Variants in MYZAP observed in about 807,000 individuals in gnomAD.
MYZAP encodes GRINL1A complex locus upstream.
In MYZAP, 66 loss-of-function variants were observed where a neutral mutation model predicts 69.4. The ratio of observed to expected loss-of-function variants is 0.95; its 90% confidence interval spans 0.78 to 1.17. MYZAP has a LOEUF of 1.17. MYZAP is among the 50% of genes most tolerant of loss of function. MYZAP has a pLI of 0.00. For synonymous variants in MYZAP, 256 were observed against 205.9 expected (o/e 1.24, Z -2.09); for missense variants, 611 against 556.2 (o/e 1.10, Z -0.99).
chr15:57,683,944 G>C (rs2140685547), intron 12 of MYZAP, among the ~76,000 whole-genome samples: 1 of 152,222 alleles, frequency 6.6e-6, no homozygotes, highest in East Asian at 1.9e-4. Flanking sequence ...ACAGGCATGT[G>C]CCATCATGCC....
At chr15:57,668,894 A>ATATATATATATATATATATT (rs1252525814) in intron 11 of MYZAP, among the ~76,000 whole-genome samples, 1 of 62,608 alleles carries the variant, frequency 1.6e-5, no homozygotes, top group Non-Finnish European at 4.3e-5. Flanking sequence ...ATATATATAT[A>ATATATATATATATATATATT]TTTTTTTTTT....
intron 11 of MYZAP, among the ~76,000 whole-genome samples, chr15:57,673,265 G>A (rs757176579): frequency 2.7e-4 from 41 of 152,150 alleles, no homozygotes; most frequent in Non-Finnish European, 5.4e-4. Flanking sequence ...ATTAGACCCA[G>A]CATGCTGTGA....
intron 2 of MYZAP, among the ~76,000 whole-genome samples, chr15:57,611,367 T>C (rs2035092072): frequency 6.6e-6 from 1 of 152,204 alleles, no homozygotes; most frequent in African/African-American, 2.4e-5. Context: ...ATATTTACAT[T>C]TTATCAGTCA....
At chr15:57,619,095 A>G (rs1245097588) in intron 3 of MYZAP, among the ~76,000 whole-genome samples, 2 of 152,164 alleles carry the variant, frequency 1.3e-5, no homozygotes, top group African/African-American at 4.8e-5. Flanking sequence ...GGGCTTTGAT[A>G]CCTAAGGTTA....
intron 1 of MYZAP, among the ~76,000 whole-genome samples, chr15:57,598,231 AG>A (rs1304790768): frequency 6.6e-6 from 1 of 152,070 alleles, no homozygotes; most frequent in Non-Finnish European, 1.5e-5. Context: ...ACAAGGCCTG[AG>A]GGGACCCATG....
intron 10 of MYZAP, among the ~76,000 whole-genome samples, chr15:57,656,806 A>T (rs1210001259): frequency 1.3e-5 from 2 of 152,232 alleles, no homozygotes; most frequent in African/African-American, 4.8e-5. Flanking sequence ...TTCCAGGATA[A>T]AAGCAAATCT....
intron 10 of MYZAP, among the ~76,000 whole-genome samples, chr15:57,658,734 T>C (rs564627135): frequency 1.3e-5 from 2 of 152,292 alleles, no homozygotes; most frequent in Non-Finnish European, 2.9e-5. Flanking sequence ...CCACCTTGGG[T>C]GATGCCAAGG....
chr15:57,668,894 A>ATATATATATATTTTTT (rs1252525814), intron 11 of MYZAP, among the ~76,000 whole-genome samples: 3 of 62,608 alleles, frequency 4.8e-5, no homozygotes, highest in African/African-American at 1.2e-4. Flanking sequence ...ATATATATAT[A>ATATATATATATTTTTT]TTTTTTTTTT....
chr15:57,673,454 G>A (rs2140620949), intron 11 of MYZAP, among the ~76,000 whole-genome samples: 2 of 146,618 alleles, frequency 1.4e-5, no homozygotes, highest in East Asian at 4.0e-4. Context: ...GTGTGCGCAT[G>A]CGTGCATGCG....
chr15:57,654,345 A>G (rs1466805326), intron 10 of MYZAP, among the ~76,000 whole-genome samples: 2 of 151,988 alleles, frequency 1.3e-5, no homozygotes, highest in Non-Finnish European at 2.9e-5. Flanking sequence ...CCTACCTCCT[A>G]TTATCAGTAA....
Position 57,684,431 on chromosome 15 carries a change from T to G in MYZAP, c.1334T>G (p.Met445Arg). 1 of 1,613,350 alleles carries G rather than the reference T, an allele frequency of 6.2e-7. No individual in the cohort carries two copies. The highest frequency in any genetic ancestry group is 8.5e-7 in the Non-Finnish European group (1 of 1,179,760). ...SQTGRTREIV[M>R]PSRNYTPYTR... ...ACAGGCAGGACTCGTGAAATTGTGA[T>G]GCCTTCTAGGAACTACACCCCATAC... Residue 445 changes from methionine to arginine, a missense_variant, in exon 13 of 13, where the codon ATG becomes AGG. Coordinates refer to ENST00000267853, the MANE Select transcript of MYZAP (RefSeq NM_001018100.5).
At chr15:57,664,709 C>G (rs1033730893) in intron 11 of MYZAP, among the ~76,000 whole-genome samples, 3 of 152,186 alleles carry the variant, frequency 2.0e-5, no homozygotes, top group Non-Finnish European at 2.9e-5. Context: ...GTAGATAAAT[C>G]TGGTAGCTCC....
intron 2 of MYZAP, 44 bp downstream of exon 2, chr15:57,604,399 A>T (rs1391953195): frequency 6.2e-7 from 1 of 1,609,366 alleles, no homozygotes; most frequent in Admixed American, 1.7e-5. Context: ...TCCAGCCTCT[A>T]TACCCTTAAC....
chr15:57,653,122 G>A (rs1481164174), intron 10 of MYZAP, among the ~76,000 whole-genome samples: 1 of 152,096 alleles, frequency 6.6e-6, no homozygotes, highest in Non-Finnish European at 1.5e-5. Context: ...TGGCTGGGGA[G>A]CTTTGGTGTA....
chr15:57,623,549 G>T (rs1423172736), intron 4 of MYZAP, among the ~76,000 whole-genome samples: 1 of 151,952 alleles, frequency 6.6e-6, no homozygotes, highest in Non-Finnish European at 1.5e-5. Flanking sequence ...CCTGGCCAAT[G>T]TGGTGAAACC....
At chr15:57,592,232 T>C in intron 1 of MYZAP, 123 bp downstream of exon 1, 1 of 897,350 alleles carries the variant, frequency 1.1e-6, no homozygotes, top group Non-Finnish European at 1.5e-6. Flanking sequence ...CACCCTGGGC[T>C]CAACTCCCCG....
At chr15:57,676,090 C>T (rs1462493971) in intron 12 of MYZAP, among the ~76,000 whole-genome samples, 1 of 152,076 alleles carries the variant, frequency 6.6e-6, no homozygotes, top group African/African-American at 2.4e-5. Flanking sequence ...AGCAGGATGC[C>T]TTCAGACAGG....
chr15:57,673,489 TG>T (rs2038973105), intron 11 of MYZAP, among the ~76,000 whole-genome samples: 1 of 150,252 alleles, frequency 6.7e-6, no homozygotes, highest in Non-Finnish European at 1.5e-5. Flanking sequence ...TGTGTGTGTG[TG>T]TGTGTGTGTG....
Position 57,684,597 on chromosome 15 carries a change from A to G in MYZAP, c.*99A>G. 1 of 747,940 alleles carries G rather than the reference A, an allele frequency of 1.3e-6. No homozygotes were observed. The highest frequency in any genetic ancestry group is 2.4e-4 in the Middle Eastern group (1 of 4,202). 46.3% of individuals were successfully genotyped at this position (747,940 alleles called of 1,614,324 possible). On this transcript the variant is annotated 3_prime_UTR_variant, in exon 13 of 13. Coordinates refer to ENST00000267853, the MANE Select transcript of MYZAP (RefSeq NM_001018100.5). ...GGTGACTGTTGTTTCCCCTACACAC[A>G]GTGTAAGCCGGAATGGGAATCGCTG...
Sources: allele counts gnomAD v4.1 joint callset (sites outside exome capture counted in the v4.1 genomes callset), GRCh38; gene constraint gnomAD v4.1.1; transcripts MANE v1.5; gene names NCBI Gene and HGNC (gene_info 2026-07-23, HGNC 2026-07-21).